TAF1B: variants seen among roughly 807,000 people sequenced by gnomAD.
The protein encoded by TAF1B is TATA box-binding protein-associated factor RNA polymerase I subunit B.
In TAF1B, 61 loss-of-function variants were observed where a neutral mutation model predicts 83.9. That is an observed-to-expected ratio of 0.73 (90% CI 0.59 to 0.90). The LOEUF (loss-of-function observed/expected upper bound fraction) is 0.90, where lower values mean the gene tolerates loss of function less well. TAF1B is among the 40% of genes least tolerant of loss of function. The pLI is 0.00. For missense variants in TAF1B, 625 were observed against 677.0 expected, an observed-to-expected ratio of 0.92 and a Z score of 0.85; for synonymous variants, 221 against 224.6, an observed-to-expected ratio of 0.98 and a Z score of 0.14.
intron 11 of TAF1B, among the ~76,000 whole-genome samples, chr2:9,912,940 G>C (rs1293252090): frequency 6.6e-6 from 1 of 152,220 alleles, no homozygotes; most frequent in Admixed American, 6.5e-5. Context: ...GCCTTCGCCA[G>C]AGAATAATGG....
intron 5 of TAF1B, among the ~76,000 whole-genome samples, chr2:9,864,661 C>G (rs913139549): frequency 6.6e-6 from 1 of 152,158 alleles, no homozygotes. Flanking sequence ...GATCAATATC[C>G]TTGATGAACA....
chr2:9,861,994 G>C (rs1195856866), intron 5 of TAF1B, among the ~76,000 whole-genome samples: 2 of 152,122 alleles, frequency 1.3e-5, no homozygotes, highest in Admixed American at 1.3e-4. Flanking sequence ...CAAAGATGGA[G>C]AAAAAACAGA....
chr2:9,926,423 T>G (rs1282711597), intron 14 of TAF1B, among the ~76,000 whole-genome samples: 1 of 152,228 alleles, frequency 6.6e-6, no homozygotes, highest in Non-Finnish European at 1.5e-5. Flanking sequence ...TGAGTAATCC[T>G]GGTCATGTGT....
intron 11 of TAF1B, among the ~76,000 whole-genome samples, chr2:9,911,956 A>G (rs1430644785): frequency 6.6e-6 from 1 of 152,066 alleles, no homozygotes; most frequent in Non-Finnish European, 1.5e-5. Context: ...ATGCCTCTTT[A>G]TTCTTGAAGA....
At chr2:9,847,306 A>AT (rs1663236377) in intron 2 of TAF1B, among the ~76,000 whole-genome samples, 1 of 152,210 alleles carries the variant, frequency 6.6e-6, no homozygotes, top group South Asian at 2.1e-4. Flanking sequence ...AGGAAAAAAA[A>AT]GTTACGTGTT....
At chr2:9,887,299 A>G (rs1664709088) in intron 8 of TAF1B, among the ~76,000 whole-genome samples, 1 of 152,214 alleles carries the variant, frequency 6.6e-6, no homozygotes, top group Admixed American at 6.5e-5. Context: ...TTGATCTGAA[A>G]CCATTCAAAT....
chr2:9,913,288 T>G, intron 12 of TAF1B, 39 bp downstream of exon 12: 1 of 1,486,544 alleles, frequency 6.7e-7, no homozygotes, highest in South Asian at 1.1e-5. Flanking sequence ...CCTGCCTTAC[T>G]TCTGTGTCTG....
intron 7 of TAF1B, among the ~76,000 whole-genome samples, chr2:9,876,774 G>T (rs1448430624): frequency 6.6e-6 from 1 of 152,096 alleles, no homozygotes; most frequent in African/African-American, 2.4e-5. Context: ...ATTTGTCTCT[G>T]CTTTTGTTTC....
At chr2:9,843,595 C>G in intron 1 of TAF1B, 36 bp downstream of exon 1, 2 of 1,481,720 alleles carry the variant, frequency 1.3e-6, no homozygotes, top group Non-Finnish European at 1.8e-6. Flanking sequence ...CCACGATCGC[C>G]GGGGCCGGAG....
chr2:9,913,258 T>C lies in TAF1B; in HGVS notation c.1271+9T>C. The C allele has an allele frequency of 6.2e-7, 1 of 1,608,104 alleles. No individual in the cohort carries two copies. The highest frequency in any genetic ancestry group is 8.5e-7 in the Non-Finnish European group (1 of 1,175,294). ...GAAGAAGCAAGGGCCAAGTATGTTCTCCTTCCTGGTTTAGATGCACCTGCC... is the reference window on the plus strand; with the variant it reads ...GAAGAAGCAAGGGCCAAGTATGTTCCCCTTCCTGGTTTAGATGCACCTGCC... On this transcript the variant is annotated intron_variant, in intron 12 of 14. Transcript: ENST00000263663.
chr2:9,880,530 C>T (rs2884174), intron 7 of TAF1B, among the ~76,000 whole-genome samples: 24,854 of 147,450 alleles, frequency 0.17, 2,142 homozygotes, highest in Middle Eastern at 0.31. Flanking sequence ...CTCCAGATGC[C>T]GAAGACCTGC....
intron 3 of TAF1B, among the ~76,000 whole-genome samples, chr2:9,851,013 C>T (rs1045645173): frequency 9.9e-5 from 15 of 152,146 alleles, no homozygotes; most frequent in East Asian, 3.8e-4. Flanking sequence ...TTCTATACTC[C>T]GGTATCATGA....
rs773466603 is a variant in TAF1B at position 9,868,389 on chromosome 2, C to T, written c.513C>T (p.His171=). Residue 171 remains histidine, a synonymous_variant, in exon 6 of 15, where the codon CAC becomes CAT. Transcript: ENST00000263663. ...GAGCGGAGTCTCAGTCTGACATCCA[C>T]ACTCGAAAACCTTTCCCCGTCAGCA... is the stretch of plus-strand genomic sequence containing the variant. ...ESGAESQSDI[H]TRKPFPVSKA... 6 of 1,613,768 alleles carry T rather than the reference C, an allele frequency of 3.7e-6. No homozygotes were observed. The highest frequency in any genetic ancestry group is 1.7e-5 in the Admixed American group (1 of 59,974).
chr2:9,921,533 T>C (rs1665879145), intron 14 of TAF1B, among the ~76,000 whole-genome samples: 1 of 152,242 alleles, frequency 6.6e-6, no homozygotes, highest in South Asian at 2.1e-4. Flanking sequence ...TAAAAATAAG[T>C]CATTATCCTA....
rs535506824 is a variant in TAF1B at position 9,843,779 on chromosome 2, T to C, written c.18+220T>C. The C allele has an allele frequency of 5.9e-5, 30 of 507,176 alleles. No homozygotes were observed. In the South Asian group the frequency reaches 8.0e-4, roughly 14 times the overall value. 31.4% of individuals were successfully genotyped at this position (507,176 alleles called of 1,614,324 possible). A position where few individuals can be genotyped will look rare whatever the true frequency, so the allele number is the denominator to read the frequency against. ...TGGAGTTTCTGGCTCGGCGAGGTTG[T>C]GGGGGAGGGAGGGTGTGGTGTTTGT... On this transcript the variant is annotated intron_variant, in intron 1 of 14. Transcript: ENST00000263663.
intron 12 of TAF1B, 47 bp downstream of exon 12, chr2:9,913,296 C>T: frequency 1.4e-6 from 2 of 1,461,972 alleles, no homozygotes; most frequent in Non-Finnish European, 1.9e-6. Context: ...ACTTCTGTGT[C>T]TGTTACTTTA....
rs1572269585 is a variant in TAF1B at position 9,904,955 on chromosome 2, C to T, written c.904C>T (p.Leu302Phe). ...RFPDITEDCY[L>F]HPNILCMKYL... ...TCCAGACATAACTGAAGACTGCTAT[C>T]TTCATCCCAACATACTGTGTATGAA... Residue 302 changes from leucine (L) to phenylalanine (F), a missense_variant, in exon 9 of 15, where the codon CTT (leucine) becomes TTT (phenylalanine). Leu to Phe is a conservative substitution (Grantham distance 22). Transcript: ENST00000263663. 6.2e-7 allele frequency: 1 copy of T among 1,612,686 alleles called. No individual in the cohort carries two copies. Among genetic ancestry groups the T allele is most frequent in the Non-Finnish European group, 8.5e-7 (1 of 1,178,772 alleles).
At chr2:9,853,226 G>GC (rs1272735262) in intron 4 of TAF1B, among the ~76,000 whole-genome samples, 1 of 151,624 alleles carries the variant, frequency 6.6e-6, no homozygotes, top group Non-Finnish European at 1.5e-5. Flanking sequence ...TAGCCAATGA[G>GC]CATAACTGTT....
chr2:9,901,276 A>T (rs1288386723), intron 8 of TAF1B, among the ~76,000 whole-genome samples: 1 of 152,212 alleles, frequency 6.6e-6, no homozygotes, highest in Admixed American at 6.5e-5. Context: ...AAGAAATTTT[A>T]AAAAATGAAA....
Sources: gnomAD v4.1 joint callset for allele counts (sites outside exome capture counted in the v4.1 genomes callset) on GRCh38, gnomAD v4.1.1 for gene constraint, MANE v1.5 for transcripts, NCBI Gene and HGNC (gene_info 2026-07-23, HGNC 2026-07-21) for gene names.